TRIM9: variants seen among roughly 807,000 people sequenced by gnomAD.
The protein encoded by TRIM9 is tripartite motif containing 9, also known as E3 ubiquitin-protein ligase TRIM9.
TRIM9 carries 26 observed loss-of-function variants against 78.3 expected under a neutral mutation model. The observed-to-expected ratio is 0.33, with a 90% CI of 0.24 to 0.46. TRIM9 has a LOEUF of 0.46. Among genes scored for constraint, TRIM9 ranks in the 20% least tolerant of loss-of-function variants. The probability of loss-of-function intolerance (pLI) is 1.00; values close to 1 mark genes in which losing one functional copy is unlikely to be tolerated. For synonymous variants in TRIM9, 398 were observed against 416.5 expected, an observed-to-expected ratio of 0.96 and a Z score of 0.54; for missense variants, 787 against 1,036.4, an observed-to-expected ratio of 0.76 and a Z score of 3.30.
At chr14:51,027,253 C>T (rs1453915561) in intron 1 of TRIM9, among the ~76,000 whole-genome samples, 1 of 149,896 alleles carries the variant, frequency 6.7e-6, no homozygotes, top group Non-Finnish European at 1.5e-5. Context: ...AAGCGATTCT[C>T]CTGCCTCAGC....
At chr14:51,050,639 C>CCAAAAGAAT (rs2060337529) in intron 1 of TRIM9, among the ~76,000 whole-genome samples, 1 of 152,184 alleles carries the variant, frequency 6.6e-6, no homozygotes, top group Admixed American at 6.5e-5. Flanking sequence ...ACTGTCCCAA[C>CCAAAAGAAT]CAAAAGAATA....
intron 2 of TRIM9, 84 bp from the exon 3 acceptor site, chr14:51,023,041 A>G (rs2057906820): frequency 6.4e-7 from 1 of 1,563,036 alleles, no homozygotes; most frequent in South Asian, 1.2e-5. Context: ...CATCCTGCTG[A>G]AGGGAATGAA....
At chr14:51,028,033 T>A (rs1454010600) in intron 1 of TRIM9, among the ~76,000 whole-genome samples, 2 of 152,230 alleles carry the variant, frequency 1.3e-5, no homozygotes, top group East Asian at 3.8e-4. Flanking sequence ...AAGACAGACT[T>A]GATACCCATA....
At chr14:51,035,949 T>A (rs1216501690) in intron 1 of TRIM9, among the ~76,000 whole-genome samples, 4 of 152,248 alleles carry the variant, frequency 2.6e-5, no homozygotes, top group Admixed American at 2.0e-4. Context: ...TAGTAGTGAC[T>A]TCACAGCCTG....
At chr14:51,044,584 C>T (rs900320775) in intron 1 of TRIM9, among the ~76,000 whole-genome samples, 1 of 152,120 alleles carries the variant, frequency 6.6e-6, no homozygotes, top group African/African-American at 2.4e-5. Context: ...CCATTTTGAA[C>T]CATGAGGCAA....
At chr14:51,073,368 A>T (rs559995110) in intron 1 of TRIM9, among the ~76,000 whole-genome samples, 5 of 152,308 alleles carry the variant, frequency 3.3e-5, no homozygotes, top group African/African-American at 1.2e-4. Context: ...TAGCTGCACT[A>T]CTCTTAGTAG....
chr14:50,984,251 A>C (rs906629172), intron 8 of TRIM9, among the ~76,000 whole-genome samples: 1 of 152,176 alleles, frequency 6.6e-6, no homozygotes, highest in Non-Finnish European at 1.5e-5. Flanking sequence ...GGATCATTTT[A>C]TTTTCTTTTC....
intron 1 of TRIM9, among the ~76,000 whole-genome samples, chr14:51,025,705 T>G (rs2058157899): frequency 6.6e-6 from 1 of 152,210 alleles, no homozygotes; most frequent in South Asian, 2.1e-4. Context: ...AAATAGTGAG[T>G]CAGATGATCT....
chr14:51,085,403 A>C (rs2063658524), intron 1 of TRIM9, among the ~76,000 whole-genome samples: 1 of 150,536 alleles, frequency 6.6e-6, no homozygotes, highest in Non-Finnish European at 1.5e-5. Context: ...GTTAGTATAA[A>C]ACACGCAGTT....
At chr14:51,034,588 G>T (rs535015420) in intron 1 of TRIM9, among the ~76,000 whole-genome samples, 1 of 152,060 alleles carries the variant, frequency 6.6e-6, no homozygotes, top group African/African-American at 2.4e-5. Context: ...AAAGTTTAAC[G>T]CAGTTTCACC....
At position 50,985,955 on chromosome 14, in the gene TRIM9, C is replaced by G; in HGVS notation, c.1792+1G>C. ...GGAAAGGTCTGAGGAGCTCAGCTCA[C>G]CCGGTGCATTGAGAGACTGTAAAGA... On this transcript the variant is annotated splice_donor_variant, in intron 8 of 12. Transcript: ENST00000684578. LOFTEE classifies it high-confidence loss of function. 6.5e-7 allele frequency: 1 copy of G among 1,527,388 alleles called. No individual in the cohort carries two copies. The highest frequency in any genetic ancestry group is 8.8e-7 in the Non-Finnish European group (1 of 1,135,216). The allele number at this position is 1,527,388 out of a possible 1,614,324, so 94.6% of individuals were successfully genotyped here. A position where few individuals can be genotyped will look rare whatever the true frequency, so the allele number is the denominator to read the frequency against.
At chr14:51,061,626 C>A (rs1378355746) in intron 1 of TRIM9, among the ~76,000 whole-genome samples, 1 of 152,004 alleles carries the variant, frequency 6.6e-6, no homozygotes, top group Non-Finnish European at 1.5e-5. Context: ...ATATTTTCTT[C>A]TAGGAGCTTA....
chr14:51,084,606 G>A (rs1480309698), intron 1 of TRIM9, among the ~76,000 whole-genome samples: 1 of 152,164 alleles, frequency 6.6e-6, no homozygotes, highest in African/African-American at 2.4e-5. Flanking sequence ...AGACTTACTA[G>A]ATTGGATGAA....
rs867875065 is a variant in TRIM9, at chr14:50,986,091, G to T, written c.1657C>A (p.Pro553Thr). ...LPFPVPSERL[P>T]LRRMSPFSST... Reference sequence around the variant, plus strand: ...GAGAAAGGACTCATTCTACGGAGCGGCAATCTTTCCGAAGGCACTGGAAAA... The same window carrying T: ...GAGAAAGGACTCATTCTACGGAGCGTCAATCTTTCCGAAGGCACTGGAAAA... The change falls in exon 8 of 13, where the codon CCG becomes ACG. Residue 553 changes from proline to threonine, a missense_variant. Physicochemically the swap from Pro to Thr is conservative, Grantham distance 38. Around this residue, in one of 3 missense-constraint regions of TRIM9, gnomAD observed 421 missense variants for 514.3 expected, o/e 0.82. Transcript: ENST00000684578. 1.3e-6 allele frequency: 2 copies of T among 1,546,052 alleles called. No individual in the cohort carries two copies. The highest frequency in any genetic ancestry group is 1.7e-6 in the Non-Finnish European group (2 of 1,144,640).
rs2064778259 is a variant in TRIM9, at chr14:51,094,782, G to A, written c.158C>T (p.Ala53Val). 6.5e-7 allele frequency: 1 copy of A among 1,529,524 alleles called. No homozygotes were observed. The highest frequency in any genetic ancestry group is 8.8e-7 in the Non-Finnish European group (1 of 1,141,560). The allele number at this position is 1,529,524 out of a possible 1,614,324, so 94.7% of individuals were successfully genotyped here. A position where few individuals can be genotyped will look rare whatever the true frequency, so the allele number is the denominator to read the frequency against. ...ESESPQSHRA[A>V]GSGVSDYDYL... The stretch of plus-strand genomic sequence containing the variant: ...GTCATAGTCGGAGACCCCGGAGCCC[G>A]CGGCCCGATGGCTCTGGGGGGATTC... Residue 53 changes from alanine (A) to valine (V), a missense_variant, in exon 1 of 13, where the codon GCG becomes GTG. By Grantham distance (64) the Ala-to-Val change is moderately conservative (BLOSUM62 0). Around this residue, in one of 3 missense-constraint regions of TRIM9, gnomAD observed 352 missense variants for 472.3 expected, o/e 0.75. Transcript: ENST00000684578.
intron 1 of TRIM9, among the ~76,000 whole-genome samples, chr14:51,053,231 A>G (rs1027967229): frequency 3.3e-5 from 5 of 151,918 alleles, no homozygotes; most frequent in Admixed American, 1.3e-4. Flanking sequence ...AAAACGCAAA[A>G]AGAATCTTAA....
At chr14:51,068,964 C>A (rs1187208917) in intron 1 of TRIM9, among the ~76,000 whole-genome samples, 1 of 152,154 alleles carries the variant, frequency 6.6e-6, no homozygotes, top group African/African-American at 2.4e-5. Context: ...CTTGAAATAT[C>A]ATTTGGCAGT....
Position 51,061,200 on chromosome 14 carries a change from G to T in TRIM9, c.822+32918C>A, listed in dbSNP as rs1247872309. Among the ~76,000 whole-genome samples the T allele has an allele frequency of 2.6e-5, 4 of 152,128 alleles. 1 individual carries two copies. The South Asian group carries it at 8.3e-4, about 32-fold the overall frequency. On this transcript the variant is annotated intron_variant, in intron 1 of 12. Transcript: ENST00000684578. ...GGCCGCAGCAGGTGGATCACCTGCGGTCAGGAGTTTGAGACCAGCCTGGCC... is the reference window on the plus strand; with the variant it reads ...GGCCGCAGCAGGTGGATCACCTGCGTTCAGGAGTTTGAGACCAGCCTGGCC...
At position 51,023,407 on chromosome 14, in the gene TRIM9, C is replaced by T. The variant is rs80213951; in HGVS notation, c.919-450G>A. ...GGATGGCACTGGTCTTCAATATTAA[C>T]AATAATCCAATGAGAACAGAAGTTT... On this transcript the variant is annotated intron_variant, in intron 2 of 12. Coordinates refer to ENST00000684578, the MANE Select transcript of TRIM9 (RefSeq NM_001387360.1). 1.5e-3 allele frequency among the ~76,000 whole-genome samples: 233 copies of T among 152,232 alleles called. 1 individual carries two copies. Among genetic ancestry groups the T allele is most frequent in the Middle Eastern group, 0.014 (4 of 294 alleles).
Sources: allele counts gnomAD v4.1 joint callset (sites outside exome capture counted in the v4.1 genomes callset), GRCh38; gene constraint gnomAD v4.1.1; regional missense constraint gnomAD v4.1.1; transcripts MANE v1.5; gene names NCBI Gene and HGNC (gene_info 2026-07-23, HGNC 2026-07-21).